CTNNA2: variants seen among roughly 807,000 people sequenced by gnomAD.
CTNNA2 encodes the protein catenin alpha-2.
CTNNA2 carries 42 observed loss-of-function variants against 101.0 expected under a neutral mutation model. The observed-to-expected ratio is 0.42, with a 90% confidence interval of 0.32 to 0.54. The LOEUF is 0.54. Among genes scored for constraint, CTNNA2 ranks in the 20% least tolerant of loss-of-function variants. The pLI, the probability that CTNNA2 is intolerant of heterozygous loss-of-function variation, is 0.14. For missense variants in CTNNA2, 871 were observed against 1,223.1 expected, an observed-to-expected ratio of 0.71 and a Z score of 4.29; for synonymous variants, 450 against 456.4, an observed-to-expected ratio of 0.99 and a Z score of 0.18.
intron 2 of CTNNA2, among the ~76,000 whole-genome samples, chr2:79,299,676 T>TAGGTATA (rs554456561): frequency 6.8e-4 from 104 of 152,214 alleles, no homozygotes; most frequent in African/African-American, 2.3e-3. Context: ...GACACAGCAA[T>TAGGTATA]AGGTATACAA....
At chr2:80,049,263 G>C (rs1463641683) in intron 7 of CTNNA2, among the ~76,000 whole-genome samples, 4 of 152,118 alleles carry the variant, frequency 2.6e-5, no homozygotes, top group Non-Finnish European at 5.9e-5. Context: ...TGGGTCAGTT[G>C]ATGCTGGAAT....
intron 7 of CTNNA2, among the ~76,000 whole-genome samples, chr2:80,097,519 G>A (rs143986526): frequency 0.045 from 6,785 of 152,002 alleles, 470 homozygotes; most frequent in African/African-American, 0.15. Context: ...TCTTTGTGGC[G>A]TTCTCTGTAT....
chr2:79,916,059 G>A (rs1457693411), intron 7 of CTNNA2, among the ~76,000 whole-genome samples: 1 of 152,184 alleles, frequency 6.6e-6, no homozygotes, highest in African/African-American at 2.4e-5. Flanking sequence ...AATTTGTTTT[G>A]AGTATTATCT....
chr2:79,623,200 A>C (rs182691617), intron 1 of CTNNA2, among the ~76,000 whole-genome samples: 1 of 152,194 alleles, frequency 6.6e-6, no homozygotes, highest in South Asian at 2.1e-4. Context: ...GCTGTCCTCT[A>C]TAAAGAGGAT....
At position 80,635,380 on chromosome 2, in the gene CTNNA2, C is replaced by T. The variant is rs533609412; in HGVS notation, c.2575-12205C>T. Reference sequence around the variant, plus strand: ...TTTAAAACTAATTTAGTTAAAATTACTGATTTTTAAACTATTATACTAAAG... The same window carrying T: ...TTTAAAACTAATTTAGTTAAAATTATTGATTTTTAAACTATTATACTAAAG... On this transcript the variant is annotated intron_variant, in intron 18 of 18. Transcript: ENST00000402739. Among the ~76,000 whole-genome samples, 64 of 152,188 alleles carry T rather than the reference C, an allele frequency of 4.2e-4. No homozygotes were observed. In the Middle Eastern group the frequency reaches 0.01, roughly 24 times the overall value.
intron 1 of CTNNA2, among the ~76,000 whole-genome samples, chr2:79,640,073 T>C (rs1354999416): frequency 6.6e-6 from 1 of 152,012 alleles, no homozygotes; most frequent in Non-Finnish European, 1.5e-5. Flanking sequence ...AAGATCTCTG[T>C]TCCTGAATGC....
intron 4 of CTNNA2, among the ~76,000 whole-genome samples, chr2:79,428,689 C>T (rs1419087042): frequency 6.6e-6 from 1 of 152,046 alleles, no homozygotes; most frequent in Non-Finnish European, 1.5e-5. Context: ...ACAGTAGGTA[C>T]ACCCCAAGAA....
intron 4 of CTNNA2, among the ~76,000 whole-genome samples, chr2:79,861,992 T>G (rs770771765): frequency 6.6e-6 from 1 of 152,182 alleles, no homozygotes; most frequent in Non-Finnish European, 1.5e-5. Context: ...CATCCGGAAT[T>G]TTAAAGGAAT....
chr2:79,731,738 C>A (rs556000091), intron 2 of CTNNA2, among the ~76,000 whole-genome samples: 95 of 152,062 alleles, frequency 6.2e-4, no homozygotes, highest in South Asian at 3.1e-3. Flanking sequence ...GGGAGATGAT[C>A]AGACATTTGA....
chr2:80,631,921 TAGGAG>T (rs1319956968), intron 18 of CTNNA2, among the ~76,000 whole-genome samples: 1 of 152,134 alleles, frequency 6.6e-6, no homozygotes, highest in Non-Finnish European at 1.5e-5. Context: ...TAGTAGCATA[TAGGAG>T]AGATCTAATT....
intron 4 of CTNNA2, among the ~76,000 whole-genome samples, chr2:79,440,167 G>A (rs2104517607): frequency 6.6e-6 from 1 of 152,174 alleles, no homozygotes; most frequent in African/African-American, 2.4e-5. Context: ...AGAAGTGCCA[G>A]AAAACACACA....
At chr2:79,568,353 G>A (rs1324475524) in intron 1 of CTNNA2, among the ~76,000 whole-genome samples, 1 of 152,126 alleles carries the variant, frequency 6.6e-6, no homozygotes, top group African/African-American at 2.4e-5. Flanking sequence ...TGTAATCCCA[G>A]CACTTTGGGA....
intron 7 of CTNNA2, among the ~76,000 whole-genome samples, chr2:79,947,883 T>C (rs769694155): frequency 6.6e-6 from 1 of 152,086 alleles, no homozygotes; most frequent in Non-Finnish European, 1.5e-5. Context: ...TGCTATGGAC[T>C]TAAAGAGGCA....
intron 7 of CTNNA2, among the ~76,000 whole-genome samples, chr2:80,256,272 C>T (rs754551732): frequency 1.3e-5 from 2 of 152,036 alleles, no homozygotes; most frequent in Non-Finnish European, 2.9e-5. Flanking sequence ...AATATATACA[C>T]GGGCTCTATC....
chr2:80,005,169 A>G (rs537124911), intron 7 of CTNNA2, among the ~76,000 whole-genome samples: 2 of 152,330 alleles, frequency 1.3e-5, no homozygotes, highest in East Asian at 3.9e-4. Context: ...AGAATCTGGC[A>G]TAGAGCACAG....
At chr2:79,379,437 C>T (rs1678015436) in intron 4 of CTNNA2, among the ~76,000 whole-genome samples, 1 of 152,180 alleles carries the variant, frequency 6.6e-6, no homozygotes, top group Admixed American at 6.5e-5. Context: ...ATCCTTCAAC[C>T]CCACCATAGG....
At chr2:79,318,546 T>C (rs1676549649) in intron 3 of CTNNA2, among the ~76,000 whole-genome samples, 1 of 152,200 alleles carries the variant, frequency 6.6e-6, no homozygotes, top group Non-Finnish European at 1.5e-5. Flanking sequence ...TATATCATTA[T>C]TATGTGCTTA....
At chr2:80,516,534 G>C (rs1319279190) in intron 9 of CTNNA2, among the ~76,000 whole-genome samples, 1 of 152,136 alleles carries the variant, frequency 6.6e-6, no homozygotes, top group Non-Finnish European at 1.5e-5. Context: ...CTGAGGGGAG[G>C]AGGTCATTTT....
At chr2:79,282,197 T>G (rs1291283490) in intron 2 of CTNNA2, among the ~76,000 whole-genome samples, 1 of 152,138 alleles carries the variant, frequency 6.6e-6, no homozygotes, top group African/African-American at 2.4e-5. Context: ...AGTGGAACTA[T>G]ACCTTTATCT....
Sources: allele counts gnomAD v4.1 joint callset (sites outside exome capture counted in the v4.1 genomes callset), GRCh38; gene constraint gnomAD v4.1.1; transcripts MANE v1.5; gene names NCBI Gene and HGNC (gene_info 2026-07-23, HGNC 2026-07-21).